The following CACNA2D3 variants were observed in gnomAD, a reference collection of about 807,000 sequenced individuals.
The protein encoded by CACNA2D3 is calcium voltage-gated channel auxiliary subunit alpha2delta 3, also known as voltage-dependent calcium channel subunit alpha-2/delta-3.
Under a neutral mutation model 160.6 loss-of-function variants are expected in CACNA2D3, and 60 were observed. The ratio of observed to expected loss-of-function variants is 0.37; its 90% CI spans 0.30 to 0.46. The LOEUF (loss-of-function observed/expected upper bound fraction) is 0.46. Among genes scored for constraint, CACNA2D3 ranks in the 20% least tolerant of loss-of-function variants. The probability of loss-of-function intolerance (pLI) is 1.00; values close to 1 mark genes in which losing one functional copy is unlikely to be tolerated. For missense variants in CACNA2D3, 1,205 were observed against 1,365.0 expected, an observed-to-expected ratio of 0.88 and a Z score of 1.85; for synonymous variants, 558 against 492.9, an observed-to-expected ratio of 1.13 and a Z score of -1.75.
intron 2 of CACNA2D3, among the ~76,000 whole-genome samples, chr3:54,156,663 G>A (rs933047281): frequency 6.6e-6 from 1 of 152,332 alleles, no homozygotes; most frequent in East Asian, 1.9e-4. Flanking sequence ...TCTTTGCCTT[G>A]GTGGAGCCAG....
chr3:54,986,931 G>C (rs1014171858), intron 30 of CACNA2D3, among the ~76,000 whole-genome samples: 1 of 152,218 alleles, frequency 6.6e-6, no homozygotes, highest in Non-Finnish European at 1.5e-5. Flanking sequence ...GGGCATGCAT[G>C]AGGATGTTAA....
At chr3:54,541,013 C>T (rs1313268302) in intron 5 of CACNA2D3, among the ~76,000 whole-genome samples, 3 of 152,006 alleles carry the variant, frequency 2.0e-5, no homozygotes, top group Non-Finnish European at 4.4e-5. Flanking sequence ...CGTGGTGGCT[C>T]ACGCCTGTAA....
At chr3:54,272,054 TG>T (rs1253556753) in intron 2 of CACNA2D3, among the ~76,000 whole-genome samples, 1 of 151,970 alleles carries the variant, frequency 6.6e-6, no homozygotes, top group Admixed American at 6.6e-5. Flanking sequence ...AAGAGAGGAC[TG>T]GAAGTTTCTT....
intron 2 of CACNA2D3, among the ~76,000 whole-genome samples, chr3:54,157,740 G>A (rs1277622156): frequency 2.6e-5 from 4 of 151,166 alleles, no homozygotes; most frequent in African/African-American, 7.3e-5. Flanking sequence ...GCAGCGAGCC[G>A]AGATGGCGCC....
chr3:54,626,682 G>C, intron 9 of CACNA2D3: 10 of 312,096 alleles, frequency 3.2e-5, no homozygotes, highest in East Asian at 1.6e-4. Flanking sequence ...CATGGTTCCA[G>C]TCAAAAAAAA....
chr3:54,646,602 G>T (rs189506331), intron 11 of CACNA2D3, among the ~76,000 whole-genome samples: 1 of 152,106 alleles, frequency 6.6e-6, no homozygotes, highest in Non-Finnish European at 1.5e-5. Context: ...GCTGCACAGT[G>T]GTATATGTGG....
At chr3:54,140,015 T>A (rs1699893912) in intron 2 of CACNA2D3, among the ~76,000 whole-genome samples, 2 of 152,234 alleles carry the variant, frequency 1.3e-5, no homozygotes, top group Non-Finnish European at 2.9e-5. Context: ...TTTCTCAGCT[T>A]CTCTACTTCC....
intron 13 of CACNA2D3, among the ~76,000 whole-genome samples, chr3:54,793,237 G>T (rs765144145): frequency 2.6e-5 from 4 of 152,172 alleles, no homozygotes; most frequent in Non-Finnish European, 5.9e-5. Flanking sequence ...TTTTCCTGTC[G>T]TCGTAAATAC....
At chr3:54,219,233 C>T (rs533851391) in intron 2 of CACNA2D3, among the ~76,000 whole-genome samples, 1 of 152,302 alleles carries the variant, frequency 6.6e-6, no homozygotes, top group East Asian at 1.9e-4. Context: ...AGTGAAGTGA[C>T]TTCATGTTGG....
At chr3:55,001,870 C>T (rs1028893146) in intron 31 of CACNA2D3, among the ~76,000 whole-genome samples, 1 of 152,080 alleles carries the variant, frequency 6.6e-6, no homozygotes, top group African/African-American at 2.4e-5. Flanking sequence ...CAAGAATGCA[C>T]CCTGGAGGCC....
intron 2 of CACNA2D3, among the ~76,000 whole-genome samples, chr3:54,266,670 G>A (rs553940925): frequency 3.3e-5 from 5 of 152,314 alleles, no homozygotes; most frequent in African/African-American, 7.2e-5. Flanking sequence ...CCATGCAGAA[G>A]GACAGAATTC....
chr3:54,948,080 A>G (rs1234135036), intron 27 of CACNA2D3, among the ~76,000 whole-genome samples: 2 of 152,232 alleles, frequency 1.3e-5, no homozygotes, highest in Non-Finnish European at 2.9e-5. Flanking sequence ...GGTGATGTCC[A>G]GGTGAATATC....
At chr3:54,570,492 A>G (rs1323173083) in intron 8 of CACNA2D3, among the ~76,000 whole-genome samples, 1 of 151,942 alleles carries the variant, frequency 6.6e-6, no homozygotes, top group African/African-American at 2.4e-5. Flanking sequence ...GATGATATTG[A>G]CGATGATAAT....
chr3:54,789,478 G>A (rs1702705475), intron 13 of CACNA2D3, among the ~76,000 whole-genome samples: 1 of 152,142 alleles, frequency 6.6e-6, no homozygotes, highest in African/African-American at 2.4e-5. Flanking sequence ...TCATGTGCTT[G>A]GTGCTGAATA....
intron 14 of CACNA2D3, among the ~76,000 whole-genome samples, chr3:54,831,819 A>G (rs1703884532): frequency 6.6e-6 from 1 of 152,042 alleles, no homozygotes; most frequent in South Asian, 2.1e-4. Context: ...CCAGATTGGT[A>G]TGTCTAAGAG....
rs1644783388 is a variant in CACNA2D3, at chr3:54,370,112, T to C, written c.322-16603T>C. Among the ~76,000 whole-genome samples the C allele has an allele frequency of 2.0e-5, 3 of 152,352 alleles. No homozygotes were observed. The South Asian group carries it at 6.2e-4, about 32-fold the overall frequency. On this transcript the variant is annotated intron_variant, in intron 3 of 37. Coordinates refer to ENST00000474759, the MANE Select transcript of CACNA2D3 (RefSeq NM_018398.3). ...ATAAATAAACAGTAATAAATTATTA[T>C]AAGCCTTTCAAAATGTTGTTGCAAA...
intron 9 of CACNA2D3, among the ~76,000 whole-genome samples, chr3:54,620,065 T>C (rs1380964185): frequency 6.6e-6 from 1 of 152,194 alleles, no homozygotes; most frequent in Non-Finnish European, 1.5e-5. Flanking sequence ...AATGGGCTTC[T>C]GCACTTTGGG....
chr3:54,737,053 C>A (rs781584212), intron 11 of CACNA2D3, among the ~76,000 whole-genome samples: 37 of 152,288 alleles, frequency 2.4e-4, no homozygotes, highest in Non-Finnish European at 4.9e-4. Flanking sequence ...GATGGATTAT[C>A]CCCACTTAGC....
At chr3:54,700,737 C>T (rs1441584643) in intron 11 of CACNA2D3, among the ~76,000 whole-genome samples, 1 of 152,122 alleles carries the variant, frequency 6.6e-6, no homozygotes, top group Admixed American at 6.6e-5. Context: ...TGACTTTATC[C>T]TATGCATTGG....
Sources: gnomAD v4.1 joint callset for allele counts (sites outside exome capture counted in the v4.1 genomes callset) on GRCh38, gnomAD v4.1.1 for gene constraint, MANE v1.5 for transcripts, NCBI Gene and HGNC (gene_info 2026-07-23, HGNC 2026-07-21) for gene names.